Variants in DGKI observed in about 807,000 individuals in gnomAD.
The protein encoded by DGKI is diacylglycerol kinase iota.
In DGKI, 55 loss-of-function variants were observed where a neutral mutation model predicts 147.5. That is an observed-to-expected ratio of 0.37 (90% CI 0.30 to 0.47). DGKI has a LOEUF of 0.47. DGKI is among the 20% of genes least tolerant of loss of function. DGKI has a pLI of 1.00. For missense variants in DGKI, 1,007 were observed against 1,323.8 expected, an observed-to-expected ratio of 0.76 and a Z score of 3.71; for synonymous variants, 469 against 477.1, an observed-to-expected ratio of 0.98 and a Z score of 0.22.
intron 28 of DGKI, among the ~76,000 whole-genome samples, chr7:137,431,133 C>G (rs1051410724): frequency 6.6e-6 from 1 of 152,032 alleles, no homozygotes; most frequent in Non-Finnish European, 1.5e-5. Context: ...AAAAAGCCCA[C>G]AGGATAGCTA....
At chr7:137,644,364 T>TGG (rs764532265) in intron 6 of DGKI, among the ~76,000 whole-genome samples, 31 of 152,380 alleles carry the variant, frequency 2.0e-4, no homozygotes, top group Non-Finnish European at 4.3e-4. Context: ...GCCTATGCCC[T>TGG]GGAGGCTAAG....
chr7:137,481,755 C>T (rs915639279), intron 23 of DGKI, among the ~76,000 whole-genome samples: 4 of 151,998 alleles, frequency 2.6e-5, no homozygotes, highest in Non-Finnish European at 5.9e-5. Context: ...GTCTTGGGCA[C>T]GTGTACACCT....
At chr7:137,793,323 C>T (rs1895581) in intron 1 of DGKI, among the ~76,000 whole-genome samples, 67,264 of 147,626 alleles carry the variant, frequency 0.46, 17,748 homozygotes, top group East Asian at 0.59. Context: ...TTTTTTGAGA[C>T]GGAGTCTCAC....
intron 7 of DGKI, among the ~76,000 whole-genome samples, chr7:137,623,115 T>C (rs917433603): frequency 2.0e-5 from 3 of 152,200 alleles, no homozygotes; most frequent in Non-Finnish European, 4.4e-5. Context: ...TTGCTTCTAA[T>C]GTTGTACCTT....
Position 137,846,393 on chromosome 7 carries a change from C to T in DGKI, c.401+69G>A. The T allele has an allele frequency of 9.0e-7, 1 of 1,109,458 alleles. No individual in the cohort carries two copies. The highest frequency in any genetic ancestry group is 1.3e-5 in the South Asian group (1 of 75,426). 68.7% of individuals were successfully genotyped at this position (1,109,458 alleles called of 1,614,324 possible). On this transcript the variant is annotated intron_variant, in intron 1 of 32. Coordinates refer to ENST00000614521, the MANE Select transcript of DGKI (RefSeq NM_001321708.2). The surrounding 1 kb of genome is among the most constrained non-coding windows in gnomAD (Gnocchi z 4.0). ...GGTGCCCAACTCCGCGGAAGCGCCC[C>T]TTGCTGGGTAGAAGAGTGGGTCTCC...
intron 21 of DGKI, among the ~76,000 whole-genome samples, chr7:137,492,990 C>T (rs1585167697): frequency 1.3e-5 from 2 of 152,190 alleles, no homozygotes; most frequent in South Asian, 4.1e-4. Flanking sequence ...CTCTGTACCA[C>T]TTTGCTGGCA....
intron 3 of DGKI, among the ~76,000 whole-genome samples, chr7:137,673,574 CAA>C (rs1197968791): frequency 6.6e-6 from 1 of 151,800 alleles, no homozygotes; most frequent in Non-Finnish European, 1.5e-5. Flanking sequence ...GAAACTGAGG[CAA>C]AAAAAGGCAA....
chr7:137,528,974 C>T (rs1016374442), intron 20 of DGKI, among the ~76,000 whole-genome samples: 3 of 152,156 alleles, frequency 2.0e-5, no homozygotes, highest in Non-Finnish European at 2.9e-5. Context: ...AGAGTGCAAA[C>T]ATTAACCACC....
At chr7:137,553,030 T>C (rs879346995) in intron 19 of DGKI, among the ~76,000 whole-genome samples, 24 of 152,224 alleles carry the variant, frequency 1.6e-4, no homozygotes, top group Non-Finnish European at 2.5e-4. Flanking sequence ...GTAGGAAACC[T>C]GGATAAACCA....
chr7:137,414,022 A>G (rs563902256), intron 28 of DGKI, among the ~76,000 whole-genome samples: 1 of 152,336 alleles, frequency 6.6e-6, no homozygotes, highest in South Asian at 2.1e-4. Context: ...ATTTAAATGT[A>G]TTTTGCAAAG....
chr7:137,486,830 G>T (rs900824210), intron 22 of DGKI, among the ~76,000 whole-genome samples: 9 of 151,996 alleles, frequency 5.9e-5, no homozygotes, highest in Non-Finnish European at 1.0e-4. Context: ...TTATCAAGGG[G>T]TATCAAGACA....
intron 1 of DGKI, among the ~76,000 whole-genome samples, chr7:137,773,928 C>A (rs1179638590): frequency 6.6e-6 from 1 of 152,132 alleles, no homozygotes; most frequent in Non-Finnish European, 1.5e-5. Flanking sequence ...GACTCTAAAT[C>A]CATGCTCCTT....
intron 1 of DGKI, among the ~76,000 whole-genome samples, chr7:137,821,522 T>C (rs1026017139): frequency 6.6e-6 from 1 of 152,180 alleles, no homozygotes; most frequent in Admixed American, 6.5e-5. Flanking sequence ...AACTTTTCTA[T>C]TGTTGTAAAG....
chr7:137,403,406 A>G (rs1811836116), intron 30 of DGKI, among the ~76,000 whole-genome samples: 1 of 152,206 alleles, frequency 6.6e-6, no homozygotes, highest in Admixed American at 6.5e-5. Flanking sequence ...AAAAGAGCCC[A>G]TAGAAGAGAA....
intron 1 of DGKI, among the ~76,000 whole-genome samples, chr7:137,756,944 G>T (rs910114368): frequency 6.6e-6 from 1 of 152,066 alleles, no homozygotes; most frequent in Admixed American, 6.5e-5. Flanking sequence ...TCTCAACCAT[G>T]TGGGTTCCAT....
chr7:137,652,900 T>A (rs755583788), intron 5 of DGKI, among the ~76,000 whole-genome samples: 2 of 152,220 alleles, frequency 1.3e-5, no homozygotes, highest in Non-Finnish European at 2.9e-5. Flanking sequence ...ACTGTGTAAA[T>A]AGGCTGATGA....
At chr7:137,456,874 G>C (rs1478125365) in intron 27 of DGKI, among the ~76,000 whole-genome samples, 1 of 152,176 alleles carries the variant, frequency 6.6e-6, no homozygotes, top group Admixed American at 6.5e-5. Flanking sequence ...ACTGAACTTG[G>C]AAAGGTAAAT....
At chr7:137,655,919 C>T (rs1822201818) in intron 4 of DGKI, among the ~76,000 whole-genome samples, 1 of 152,204 alleles carries the variant, frequency 6.6e-6, no homozygotes, top group African/African-American at 2.4e-5. Flanking sequence ...TTTGCCGAAT[C>T]CACTGATTCT....
intron 20 of DGKI, among the ~76,000 whole-genome samples, chr7:137,530,133 C>G (rs1415175774): frequency 1.3e-5 from 2 of 152,156 alleles, no homozygotes; most frequent in African/African-American, 4.8e-5. Flanking sequence ...ACTCAAAGTT[C>G]CCTCTCCATA....
Sources: gnomAD v4.1 joint callset for allele counts (sites outside exome capture counted in the v4.1 genomes callset) on GRCh38, gnomAD v4.1.1 for gene constraint, Gnocchi (gnomAD v3.1) non-coding constraint, MANE v1.5 for transcripts, NCBI Gene and HGNC (gene_info 2026-07-23, HGNC 2026-07-21) for gene names.